CEP112: variants seen among roughly 807,000 people sequenced by gnomAD.
The protein encoded by CEP112 is centrosomal protein of 112 kDa.
CEP112 carries 127 observed loss-of-function variants against 153.0 expected under a neutral mutation model. That is an observed-to-expected ratio of 0.83 (90% CI 0.72 to 0.96). CEP112 has a LOEUF of 0.96. Among genes scored for constraint, CEP112 ranks in the 40% least tolerant of loss-of-function variants. CEP112 has a pLI of 0.00. For synonymous variants in CEP112, 358 were observed against 374.4 expected, an observed-to-expected ratio of 0.96 and a Z score of 0.51; for missense variants, 1,089 against 1,101.2, an observed-to-expected ratio of 0.99 and a Z score of 0.16.
intron 8 of CEP112, among the ~76,000 whole-genome samples, chr17:66,095,675 C>T (rs1231343595): frequency 6.6e-6 from 1 of 152,082 alleles, no homozygotes; most frequent in Non-Finnish European, 1.5e-5. Context: ...ATTCTCATTA[C>T]AAAAAATAAT....
intron 1 of CEP112, among the ~76,000 whole-genome samples, chr17:66,183,805 T>C (rs2072817071): frequency 6.6e-6 from 1 of 152,160 alleles, no homozygotes; most frequent in South Asian, 2.1e-4. Flanking sequence ...AACTTCATCC[T>C]GTATATAAAA....
intron 19 of CEP112, among the ~76,000 whole-genome samples, chr17:65,916,331 T>C (rs1189760850): frequency 1.3e-5 from 2 of 150,390 alleles, no homozygotes; most frequent in South Asian, 2.1e-4. Flanking sequence ...AGTGGTAGTG[T>C]TTTTCTCTTC....
chr17:65,892,521 ATT>A (rs534418263), intron 20 of CEP112, among the ~76,000 whole-genome samples: 1 of 147,516 alleles, frequency 6.8e-6, no homozygotes, highest in Non-Finnish European at 1.5e-5. Context: ...GTAGATGATG[ATT>A]TTTTTTTTTT....
intron 24 of CEP112, among the ~76,000 whole-genome samples, chr17:65,651,602 T>C (rs2045779331): frequency 6.6e-6 from 1 of 152,210 alleles, no homozygotes; most frequent in South Asian, 2.1e-4. Flanking sequence ...CCAAAATCTA[T>C]TATTTTTTGA....
chr17:66,016,451 T>C (rs1305169489), intron 16 of CEP112, among the ~76,000 whole-genome samples: 1 of 152,114 alleles, frequency 6.6e-6, no homozygotes, highest in African/African-American at 2.4e-5. Flanking sequence ...CTAAAACCAA[T>C]TCCCAGGAGG....
At chr17:65,753,438 A>G (rs980306452) in intron 21 of CEP112, among the ~76,000 whole-genome samples, 6 of 152,122 alleles carry the variant, frequency 3.9e-5, no homozygotes, top group Non-Finnish European at 8.8e-5. Context: ...TTCAAAACCA[A>G]TTCTTTAGAG....
chr17:65,789,576 A>G (rs2054479658), intron 21 of CEP112, among the ~76,000 whole-genome samples: 1 of 152,058 alleles, frequency 6.6e-6, no homozygotes, highest in Non-Finnish European at 1.5e-5. Context: ...TGTGAACACC[A>G]GACTTTAGTT....
Position 66,161,723 on chromosome 17 carries a change from C to T in CEP112, c.470+13321G>A, listed in dbSNP as rs1259446996. Among the ~76,000 whole-genome samples, 5 of 151,920 alleles carry T rather than the reference C, an allele frequency of 3.3e-5. No homozygotes were observed. The East Asian group carries it at 9.6e-4, about 29-fold the overall frequency. On this transcript the variant is annotated intron_variant, in intron 4 of 26. Coordinates refer to ENST00000535342, the MANE Select transcript of CEP112 (RefSeq NM_001199165.4). ...GGGAGGGATAGCACTAGGAGAAATACATAATGTAGATTATGGGTTGATGGG... is the reference window on the plus strand; with the variant it reads ...GGGAGGGATAGCACTAGGAGAAATATATAATGTAGATTATGGGTTGATGGG...
intron 20 of CEP112, among the ~76,000 whole-genome samples, chr17:65,864,893 G>A (rs550249805): frequency 1.0e-3 from 151 of 151,566 alleles, no homozygotes; most frequent in Non-Finnish European, 5.3e-4. Flanking sequence ...TGCAGTGGGT[G>A]GGCTTTTTAG....
At chr17:65,868,953 AAATTTG>A (rs1390559689) in intron 20 of CEP112, among the ~76,000 whole-genome samples, 1 of 152,250 alleles carries the variant, frequency 6.6e-6, no homozygotes, top group Non-Finnish European at 1.5e-5. Flanking sequence ...TATAGGGCTC[AAATTTG>A]AACACGTGTT....
chr17:66,053,797 T>C lies in CEP112; in HGVS notation c.1157A>G (p.Glu386Gly). 1 of 1,613,416 alleles carries C rather than the reference T, an allele frequency of 6.2e-7. No homozygotes were observed. Among genetic ancestry groups the C allele is most frequent in the Non-Finnish European group, 8.5e-7 (1 of 1,179,564 alleles). The stretch of plus-strand genomic sequence containing the variant: ...TTTATTCAGACGCACATTTGTATCC[T>C]CAAGCAATTCTTGAATGTTTTCAGT... ...QHTENIQELL[E>G]DTNVRLNKME... Residue 386 changes from glutamate (E) to glycine (G), a missense_variant, in exon 12 of 27, where the codon GAG becomes GGG. Transcript: ENST00000535342.
At chr17:65,701,805 T>C (rs903451720) in intron 23 of CEP112, among the ~76,000 whole-genome samples, 9 of 152,118 alleles carry the variant, frequency 5.9e-5, no homozygotes, top group Non-Finnish European at 1.2e-4. Context: ...ACCAAGTTCC[T>C]GGTTTTAAAT....
chr17:65,807,682 C>T (rs2055693174), intron 21 of CEP112, among the ~76,000 whole-genome samples: 1 of 152,194 alleles, frequency 6.6e-6, no homozygotes, highest in Admixed American at 6.5e-5. Context: ...TCAGAGGGTA[C>T]AAGTCCCAAG....
chr17:66,019,618 T>A (rs914079485), intron 16 of CEP112, among the ~76,000 whole-genome samples: 8 of 152,234 alleles, frequency 5.3e-5, no homozygotes, highest in African/African-American at 1.9e-4. Flanking sequence ...TGATGGCTAT[T>A]TTTCTTTTAA....
chr17:66,154,715 G>C (rs185855989), intron 4 of CEP112, among the ~76,000 whole-genome samples: 245 of 150,558 alleles, frequency 1.6e-3, no homozygotes, highest in Admixed American at 2.9e-3. Flanking sequence ...TCTTGTAACA[G>C]GCGAGGTAAG....
chr17:65,820,249 A>C (rs145674282), intron 21 of CEP112, among the ~76,000 whole-genome samples: 62 of 152,132 alleles, frequency 4.1e-4, no homozygotes, highest in Admixed American at 2.1e-3. Flanking sequence ...CTTCATATCT[A>C]GTGCCAATTC....
intron 25 of CEP112, among the ~76,000 whole-genome samples, chr17:65,640,342 C>T (rs1039755087): frequency 2.3e-4 from 35 of 151,640 alleles, no homozygotes; most frequent in Admixed American, 1.6e-3. Context: ...TTAGTAGAGA[C>T]GGGATTTTGC....
At chr17:65,785,858 G>C (rs535946664) in intron 21 of CEP112, among the ~76,000 whole-genome samples, 3 of 152,072 alleles carry the variant, frequency 2.0e-5, no homozygotes, top group African/African-American at 7.2e-5. Flanking sequence ...GTGAGGTAGA[G>C]GTTGAGCTTT....
intron 12 of CEP112, among the ~76,000 whole-genome samples, chr17:66,039,549 T>G (rs1051057399): frequency 6.6e-6 from 1 of 152,300 alleles, no homozygotes; most frequent in Middle Eastern, 3.4e-3. Context: ...AGAGCAAGAC[T>G]GCATAAGTCT....
Sources: allele counts gnomAD v4.1 joint callset (sites outside exome capture counted in the v4.1 genomes callset), GRCh38; gene constraint gnomAD v4.1.1; transcripts MANE v1.5; gene names NCBI Gene and HGNC (gene_info 2026-07-23, HGNC 2026-07-21).